CAPN1: variants seen among roughly 807,000 people sequenced by gnomAD.
CAPN1 encodes the protein calpain-1 catalytic subunit.
In CAPN1, 77 loss-of-function variants were observed where a neutral mutation model predicts 105.2. That is an observed-to-expected ratio of 0.73 (90% confidence interval 0.61 to 0.88). The LOEUF (loss-of-function observed/expected upper bound fraction) is 0.88, where lower values mean the gene tolerates loss of function less well. Ranked by LOEUF, CAPN1 falls within the 40% of genes least tolerant of loss-of-function variation. The probability of loss-of-function intolerance (pLI) is 0.00; values close to 1 mark genes in which losing one functional copy is unlikely to be tolerated. For synonymous variants in CAPN1, 355 were observed against 388.8 expected (o/e 0.91, Z 1.02); for missense variants, 833 against 976.6 (o/e 0.85, Z 1.96).
chr11:65,181,396 C>T, upstream of CAPN1: 1 of 257,404 alleles, frequency 3.9e-6, no homozygotes, highest in South Asian at 3.0e-5. This position sits in a 1 kb window ranked among gnomAD's most constrained non-coding sequence, Gnocchi z 4.6. Flanking sequence ...CTCAGAGCAG[C>T]TGCCGCAGCC....
intron 10 of CAPN1, among the ~76,000 whole-genome samples, chr11:65,200,783 C>A (rs956815043): frequency 6.6e-6 from 1 of 151,636 alleles, no homozygotes; most frequent in African/African-American, 2.4e-5. Context: ...GAGACACACA[C>A]CACACGCCCA....
At chr11:65,203,198 CT>C (rs1555010058) in intron 10 of CAPN1, among the ~76,000 whole-genome samples, 6 of 149,852 alleles carry the variant, frequency 4.0e-5, no homozygotes, top group Admixed American at 6.6e-5. Context: ...AACATTCTCT[CT>C]TTTTTTTTTT....
rs780888702 is a variant in CAPN1 at position 65,188,447 on chromosome 11, A to G, written c.963A>G (p.Glu321=). ...SSEWNNVDPY[E]RDQLRVKMED... is the part of the protein sequence containing the mutation. ...AGTGGAACAACGTGGACCCATATGAACGGGACCAGCTCCGGGTCAAGATGG... is the reference window on the plus strand; with the variant it reads ...AGTGGAACAACGTGGACCCATATGAGCGGGACCAGCTCCGGGTCAAGATGG... The change falls in exon 9 of 22, where the codon GAA becomes GAG. Residue 321 remains glutamate, a synonymous_variant. Transcript: ENST00000279247. This position sits in a 1 kb window ranked among gnomAD's most constrained non-coding sequence, Gnocchi z 5.5. 2 of 1,613,108 alleles carry G rather than the reference A, an allele frequency of 1.2e-6. No homozygotes were observed. The highest frequency in any genetic ancestry group is 1.7e-6 in the Non-Finnish European group (2 of 1,179,548).
Position 65,204,741 on chromosome 11 carries a change from C to T in CAPN1, c.1224C>T (p.Asp408=), listed in dbSNP as rs564169441. Reference sequence around the variant, plus strand: ...GGCTGGATGAGACGGATGACCCGGACGACTACGGGGACCGCGAGTCAGGCT... The same window carrying T: ...GGCTGGATGAGACGGATGACCCGGATGACTACGGGGACCGCGAGTCAGGCT... The part of the protein sequence containing the change: ...KIRLDETDDP[D]DYGDRESGCS... Residue 408 remains aspartate (D), a synonymous_variant, in exon 11 of 22, where the codon GAC becomes GAT. Transcript: ENST00000279247. 2.4e-5 allele frequency: 38 copies of T among 1,613,016 alleles called. No individual in the cohort carries two copies. In the African/African-American group the frequency reaches 2.7e-4, roughly 11 times the overall value.
chr11:65,208,497 T>C lies in CAPN1; in HGVS notation c.1729+235T>C. Reference sequence around the variant, plus strand: ...CCTTTGTGGGATTAGCAGCGCAGCCTGGCCAGGCACAGTGGCTCACACCTG... The same window carrying C: ...CCTTTGTGGGATTAGCAGCGCAGCCCGGCCAGGCACAGTGGCTCACACCTG... On this transcript the variant is annotated intron_variant, in intron 16 of 21. Transcript: ENST00000279247. This position sits in a 1 kb window ranked among gnomAD's most constrained non-coding sequence, Gnocchi z 4.1. The C allele has an allele frequency of 1.7e-6, 1 of 590,338 alleles. No individual in the cohort carries two copies. The highest frequency in any genetic ancestry group is 3.0e-6 in the Non-Finnish European group (1 of 327,904). 36.6% of individuals were successfully genotyped at this position (590,338 alleles called of 1,614,324 possible). A position where few individuals can be genotyped will look rare whatever the true frequency, so the allele number is the denominator to read the frequency against.
At position 65,193,067 on chromosome 11, in the gene CAPN1, G is replaced by A. The variant is rs1484206224; in HGVS notation, c.1165+4321G>A. ...GCCATCTCAGCTTACTGCAAGCTCT[G>A]CCTCCCGGGTTCACGCCATTCTCCT... On this transcript the variant is annotated intron_variant, in intron 10 of 21. Transcript: ENST00000279247. Among the ~76,000 whole-genome samples the A allele has an allele frequency of 1.0e-4, 15 of 148,452 alleles. No individual in the cohort carries two copies. The East Asian group carries it at 2.4e-3, about 24-fold the overall frequency.
intron 10 of CAPN1, among the ~76,000 whole-genome samples, chr11:65,200,175 C>T (rs1314362082): frequency 1.3e-5 from 2 of 151,998 alleles, no homozygotes; most frequent in African/African-American, 4.8e-5. Context: ...TCAGCCTTCC[C>T]AGTAGCTGGG....
At chr11:65,195,990 CT>C (rs1948788301) in intron 10 of CAPN1, among the ~76,000 whole-genome samples, 1 of 151,818 alleles carries the variant, frequency 6.6e-6, no homozygotes, top group Non-Finnish European at 1.5e-5. Context: ...TTCTTTTTGT[CT>C]ATATTATCTA....
In CAPN1 at chr11:65,187,230, G is replaced by C; in HGVS notation, c.775G>C (p.Asp259His). 1 of 1,612,976 alleles carries C rather than the reference G, an allele frequency of 6.2e-7. No homozygotes were observed. The highest frequency in any genetic ancestry group is 8.5e-7 in the Non-Finnish European group (1 of 1,179,422). The change falls in exon 7 of 22, where the codon GAC becomes CAC. Residue 259 changes from aspartate to histidine, a missense_variant. Physicochemically the swap from Asp to His is moderately conservative, Grantham distance 81. Coordinates refer to ENST00000279247, the MANE Select transcript of CAPN1 (RefSeq NM_005186.4). ...CTTTCTGCAGATCTCCAGCGTTCTA[G>C]ACATGGAGGCCATCACTTTCAAGAA... ...GCSIDISSVL[D>H]MEAITFKKLV...
At position 65,208,469 on chromosome 11, in the gene CAPN1, G is replaced by A; in HGVS notation, c.1729+207G>A. The A allele has an allele frequency of 1.6e-6, 1 of 622,912 alleles. No individual in the cohort carries two copies. The highest frequency in any genetic ancestry group is 2.5e-5 in the Admixed American group (1 of 40,370). 38.6% of individuals were successfully genotyped at this position (622,912 alleles called of 1,614,324 possible). On this transcript the variant is annotated intron_variant, in intron 16 of 21. Transcript: ENST00000279247. The surrounding 1 kb of genome is among the most constrained non-coding windows in gnomAD (Gnocchi z 4.1). Reference sequence around the variant, plus strand: ...CTGATAATCCCTGTGCTCGGGTGCTGTGCCTTTGTGGGATTAGCAGCGCAG... The same window carrying A: ...CTGATAATCCCTGTGCTCGGGTGCTATGCCTTTGTGGGATTAGCAGCGCAG...
intron 7 of CAPN1, chr11:65,187,753 G>A (rs1258350490): frequency 1.4e-5 from 7 of 511,992 alleles, no homozygotes; most frequent in African/African-American, 1.4e-4. Context: ...TGGGTGTGGT[G>A]GCAGGTGCCT....
At chr11:65,196,664 T>G (rs1183869102) in intron 10 of CAPN1, among the ~76,000 whole-genome samples, 1 of 152,220 alleles carries the variant, frequency 6.6e-6, no homozygotes, top group Non-Finnish European at 1.5e-5. Flanking sequence ...TTAATATATG[T>G]ACATTTTTCA....
At chr11:65,198,234 G>A (rs1443790765) in intron 10 of CAPN1, among the ~76,000 whole-genome samples, 2 of 151,442 alleles carry the variant, frequency 1.3e-5, no homozygotes, top group Non-Finnish European at 3.0e-5. Context: ...TCTGCCTCCT[G>A]GGCTCAAGCC....
At chr11:65,206,066 T>C (rs780529852) in intron 12 of CAPN1, 6 of 514,636 alleles carry the variant, frequency 1.2e-5, no homozygotes, top group Non-Finnish European at 2.1e-5. Context: ...CTGAGAGTTC[T>C]GTACCCTTGA....
intron 10 of CAPN1, among the ~76,000 whole-genome samples, chr11:65,204,211 A>T (rs1437048679): frequency 2.6e-5 from 4 of 152,064 alleles, no homozygotes; most frequent in Admixed American, 2.6e-4. Flanking sequence ...TTCAGTCCAC[A>T]CGCCCTAGTC....
intron 21 of CAPN1, 146 bp downstream of exon 21, chr11:65,211,018 C>A: frequency 1.2e-6 from 1 of 816,060 alleles, no homozygotes; most frequent in Non-Finnish European, 2.0e-6. Flanking sequence ...TCCTGAAAGG[C>A]TGGGGTGGGG....
intron 10 of CAPN1, among the ~76,000 whole-genome samples, chr11:65,194,565 C>T (rs1048290893): frequency 2.6e-5 from 4 of 152,114 alleles, no homozygotes; most frequent in Non-Finnish European, 5.9e-5. Flanking sequence ...CCGAAAATCC[C>T]GTAATTATTG....
chr11:65,209,213 C>A lies in CAPN1; in HGVS notation c.1730-110C>A. The A allele has an allele frequency of 1.3e-6, 1 of 763,808 alleles. No individual in the cohort carries two copies. The highest frequency in any genetic ancestry group is 2.3e-6 in the Non-Finnish European group (1 of 432,370). 47.3% of individuals were successfully genotyped at this position (763,808 alleles called of 1,614,324 possible). On this transcript the variant is annotated intron_variant, in intron 16 of 21. Coordinates refer to ENST00000279247, the MANE Select transcript of CAPN1 (RefSeq NM_005186.4). The surrounding 1 kb of genome is among the most constrained non-coding windows in gnomAD (Gnocchi z 4.1). ...CCACTTCCTCTGCCAGATATTGCAC[C>A]CACTCGTCAGGATTTGTGCGTCCTT...
Position 65,211,406 on chromosome 11 carries a change from G to T in CAPN1, c.*120G>T, listed in dbSNP as rs1299416480. On this transcript the variant is annotated 3_prime_UTR_variant, in exon 22 of 22. Coordinates refer to ENST00000279247, the MANE Select transcript of CAPN1 (RefSeq NM_005186.4). ...GTGCCTTCCTTGGAGCAGAGAGGCA[G>T]CCTCGTCCTCCTGTCCCCTCTCCTC... 3 of 911,698 alleles carry T rather than the reference G, an allele frequency of 3.3e-6. No individual in the cohort carries two copies. The highest frequency in any genetic ancestry group is 1.6e-5 in the African/African-American group (1 of 61,238). The allele number at this position is 911,698 out of a possible 1,614,324, so 56.5% of individuals were successfully genotyped here. A position where few individuals can be genotyped will look rare whatever the true frequency, so the allele number is the denominator to read the frequency against.
Sources: allele counts gnomAD v4.1 joint callset (sites outside exome capture counted in the v4.1 genomes callset), GRCh38; gene constraint gnomAD v4.1.1; non-coding constraint Gnocchi (gnomAD v3.1); transcripts MANE v1.5; gene names NCBI Gene and HGNC (gene_info 2026-07-23, HGNC 2026-07-21).